Variants in EDARADD observed in about 807,000 individuals in gnomAD.
EDARADD encodes EDAR associated via death domain, also known as ectodysplasin-A receptor-associated adapter protein.
EDARADD carries 20 observed loss-of-function variants against 25.6 expected under a neutral mutation model. That is an observed-to-expected ratio of 0.78 (90% CI 0.55 to 1.14). The LOEUF (loss-of-function observed/expected upper bound fraction) is 1.14, where lower values mean the gene tolerates loss of function less well. Among genes scored for constraint, EDARADD ranks in the 50% most tolerant of loss-of-function variants. The probability of loss-of-function intolerance (pLI) is 0.00; values close to 1 mark genes in which losing one functional copy is unlikely to be tolerated. For synonymous variants in EDARADD, 86 were observed against 94.4 expected (o/e 0.91, Z 0.52); for missense variants, 225 against 270.1 (o/e 0.83, Z 1.17).
intron 3 of EDARADD, among the ~76,000 whole-genome samples, chr1:236,369,472 T>C (rs926022841): frequency 6.6e-6 from 1 of 152,218 alleles, no homozygotes; most frequent in Non-Finnish European, 1.5e-5. Context: ...GATTAACCCC[T>C]GTTCCAGGAA....
chr1:236,395,512 G>T lies in EDARADD; in HGVS notation c.61+1007G>T, dbSNP rs370241361. 2.6e-6 allele frequency: 4 copies of T among 1,530,950 alleles called. No homozygotes were observed. The highest frequency in any genetic ancestry group is 2.8e-5 in the African/African-American group (2 of 72,544). The allele number at this position is 1,530,950 out of a possible 1,614,324, so 94.8% of individuals were successfully genotyped here. Reference sequence around the variant, plus strand: ...GAGGGCAGGGGCGCGCAGAGCCACGGTTTGCTCCAGGCGCGTCGGAACCGC... The same window carrying T: ...GAGGGCAGGGGCGCGCAGAGCCACGTTTTGCTCCAGGCGCGTCGGAACCGC... On this transcript the variant is annotated intron_variant, in intron 1 of 5. Transcript: ENST00000334232. The surrounding 1 kb of genome is among the most constrained non-coding windows in gnomAD (Gnocchi z 6.9).
intron 1 of EDARADD, among the ~76,000 whole-genome samples, chr1:236,397,422 A>T (rs1320218513): frequency 2.0e-5 from 3 of 151,922 alleles, no homozygotes; most frequent in Non-Finnish European, 4.4e-5. Flanking sequence ...ATAAATAAAT[A>T]AAAAGCTACA....
chr1:236,427,635 A>G (rs1210943407), intron 4 of EDARADD, among the ~76,000 whole-genome samples, 185 bp downstream of exon 4: 3 of 152,140 alleles, frequency 2.0e-5, no homozygotes, highest in Non-Finnish European at 2.9e-5. Context: ...TTTACTTCTA[A>G]TAAATATTAT....
chr1:236,478,128 A>G (rs541015929), intron 5 of EDARADD, among the ~76,000 whole-genome samples: 1 of 152,046 alleles, frequency 6.6e-6, no homozygotes, highest in South Asian at 2.1e-4. Context: ...GAAAGAAAAA[A>G]AAATCCGTAC....
At chr1:236,415,178 C>T (rs1255779796) in intron 3 of EDARADD, among the ~76,000 whole-genome samples, 1 of 152,130 alleles carries the variant, frequency 6.6e-6, no homozygotes, top group Non-Finnish European at 1.5e-5. Flanking sequence ...CAGCTATTGT[C>T]ATCAGGAGGA....
upstream of EDARADD, among the ~76,000 whole-genome samples, chr1:236,392,121 G>T (rs546049486): frequency 1.3e-4 from 20 of 152,252 alleles, 1 homozygote; most frequent in South Asian, 4.2e-3. Context: ...TCATGGGGAG[G>T]GGGTGAGATT....
At chr1:236,396,942 C>T (rs1420423899) in intron 1 of EDARADD, among the ~76,000 whole-genome samples, 1 of 131,932 alleles carries the variant, frequency 7.6e-6, no homozygotes, top group African/African-American at 3.0e-5. Context: ...CTACTAGTGG[C>T]CTCAGATCTC....
intron 3 of EDARADD, among the ~76,000 whole-genome samples, chr1:236,418,078 C>T (rs759848115): frequency 1.3e-5 from 2 of 151,194 alleles, no homozygotes; most frequent in African/African-American, 2.4e-5. Context: ...CTCAGCCTCC[C>T]GAATAGCTGG....
intron 5 of EDARADD, among the ~76,000 whole-genome samples, chr1:236,473,138 C>A (rs1240119000): frequency 6.6e-6 from 1 of 152,194 alleles, no homozygotes; most frequent in Non-Finnish European, 1.5e-5. Flanking sequence ...AGTCCTTTTC[C>A]TCTTAGAGCT....
At chr1:236,476,630 A>G (rs1443166442) in intron 5 of EDARADD, among the ~76,000 whole-genome samples, 2 of 151,902 alleles carry the variant, frequency 1.3e-5, no homozygotes, top group African/African-American at 4.8e-5. Flanking sequence ...GGTTCAAGCA[A>G]TTCTCCTGCC....
chr1:236,466,395 C>G (rs1327234232), intron 4 of EDARADD, among the ~76,000 whole-genome samples: 1 of 151,068 alleles, frequency 6.6e-6, no homozygotes, highest in African/African-American at 2.4e-5. Context: ...CTGTCTCTGT[C>G]CTTCATCTGT....
upstream of EDARADD, among the ~76,000 whole-genome samples, chr1:236,390,605 G>A (rs899219274): frequency 1.3e-5 from 2 of 151,950 alleles, no homozygotes; most frequent in African/African-American, 2.4e-5. Context: ...CCCCAATAAC[G>A]TATGGAAAAA....
chr1:236,377,772 C>T (rs951793615), intron 3 of EDARADD, among the ~76,000 whole-genome samples: 4 of 151,746 alleles, frequency 2.6e-5, no homozygotes, highest in Non-Finnish European at 4.4e-5. Context: ...GCAGGAGAAT[C>T]GCTTGAACCC....
chr1:236,463,513 G>T (rs552875137), intron 4 of EDARADD, among the ~76,000 whole-genome samples: 2 of 152,282 alleles, frequency 1.3e-5, no homozygotes, highest in East Asian at 3.9e-4. Context: ...GGTTGGTCTC[G>T]AACTCCCGAC....
intron 3 of EDARADD, among the ~76,000 whole-genome samples, chr1:236,376,984 T>A (rs572111589): frequency 1.3e-5 from 2 of 151,970 alleles, no homozygotes; most frequent in Non-Finnish European, 2.9e-5. Context: ...AGACATTCCT[T>A]CATTTCTGTT....
At chr1:236,478,389 G>GTGTAT (rs574742808) in intron 5 of EDARADD, among the ~76,000 whole-genome samples, 6,241 of 145,108 alleles carry the variant, frequency 0.043, 195 homozygotes, top group Non-Finnish European at 0.064. Context: ...GTGTGTGTAT[G>GTGTAT]GATTTATATA....
chr1:236,363,006 AATATATAT>A (rs1184705463), intron 3 of EDARADD, among the ~76,000 whole-genome samples: 7 of 42,946 alleles, frequency 1.6e-4, no homozygotes, highest in African/African-American at 4.4e-4. Context: ...AAAAAAAAAA[AATATATAT>A]ATATATATAT....
At chr1:236,383,846 G>T (rs1045485132) in intron 3 of EDARADD, among the ~76,000 whole-genome samples, 4 of 152,092 alleles carry the variant, frequency 2.6e-5, no homozygotes, top group African/African-American at 9.6e-5. Context: ...TGTACAAAAA[G>T]TTTAAGAACT....
intron 4 of EDARADD, among the ~76,000 whole-genome samples, chr1:236,467,811 A>G (rs1169840808): frequency 6.6e-6 from 1 of 151,490 alleles, no homozygotes; most frequent in East Asian, 1.9e-4. Flanking sequence ...AGGCCGAAGT[A>G]CAGTGTCTCA....
Sources: gnomAD v4.1 joint callset for allele counts (sites outside exome capture counted in the v4.1 genomes callset) on GRCh38, gnomAD v4.1.1 for gene constraint, Gnocchi (gnomAD v3.1) non-coding constraint, MANE v1.5 for transcripts, NCBI Gene and HGNC (gene_info 2026-07-23, HGNC 2026-07-21) for gene names.